The following YIPF4 variants were observed in gnomAD, a reference collection of about 807,000 sequenced individuals.
YIPF4 encodes protein YIPF4.
YIPF4 carries 18 observed loss-of-function variants against 29.4 expected under a neutral mutation model. The ratio of observed to expected loss-of-function variants is 0.61; its 90% confidence interval spans 0.42 to 0.91. YIPF4 has a LOEUF of 0.91. YIPF4 is among the 40% of genes least tolerant of loss of function. The pLI is 0.00. For missense variants in YIPF4, 279 were observed against 282.7 expected, an observed-to-expected ratio of 0.99 and a Z score of 0.09; for synonymous variants, 115 against 104.7, an observed-to-expected ratio of 1.10 and a Z score of -0.60.
At chr2:32,300,185 G>C (rs2031347595) in intron 4 of YIPF4, among the ~76,000 whole-genome samples, 1 of 152,162 alleles carries the variant, frequency 6.6e-6, no homozygotes, top group Admixed American at 6.5e-5. Context: ...AGAATCTCTT[G>C]AACCCGGGAG....
intron 1 of YIPF4, among the ~76,000 whole-genome samples, chr2:32,282,946 G>A (rs111960617): frequency 0.11 from 16,630 of 151,686 alleles, 947 homozygotes; most frequent in Middle Eastern, 0.18. Flanking sequence ...GGGTGGTGGC[G>A]GGTGCCTGTA....
chr2:32,312,990 C>G lies in YIPF4; in HGVS notation c.*7364C>G, dbSNP rs1229883718. 1.3e-5 allele frequency: 2 copies of G among 148,406 alleles called. No homozygotes were observed. The highest frequency in any genetic ancestry group is 4.0e-4 in the East Asian group (2 of 4,998). The allele number at this position is 148,406 out of a possible 1,614,324, so 9.2% of individuals were successfully genotyped here. A position where few individuals can be genotyped will look rare whatever the true frequency, so the allele number is the denominator to read the frequency against. On this transcript the variant is annotated 3_prime_UTR_variant, in exon 6 of 6. Transcript: ENST00000238831. Reference sequence around the variant, plus strand: ...TGGGTGACAGAGCGAGACTCTGTCTCAAAAAAAAAGACCGCCCCCCCCAAT... The same window carrying G: ...TGGGTGACAGAGCGAGACTCTGTCTGAAAAAAAAAGACCGCCCCCCCCAAT...
intron 1 of YIPF4, among the ~76,000 whole-genome samples, chr2:32,280,183 A>G (rs1178831837): frequency 8.6e-5 from 13 of 151,486 alleles, no homozygotes; most frequent in Non-Finnish European, 1.6e-4. Flanking sequence ...GCTGGAGTGC[A>G]GTGGTGCAGT....
chr2:32,284,416 G>A (rs2030564667), intron 1 of YIPF4, among the ~76,000 whole-genome samples: 1 of 152,134 alleles, frequency 6.6e-6, no homozygotes, highest in African/African-American at 2.4e-5. Context: ...GAGAGGCCTG[G>A]TGGGAGGTGA....
In YIPF4 at chr2:32,306,117, A is replaced by G. The variant is rs1420078142; in HGVS notation, c.*491A>G. 1.3e-6 allele frequency: 1 copy of G among 770,936 alleles called. No homozygotes were observed. Among genetic ancestry groups the G allele is most frequent in the East Asian group, 1.3e-4 (1 of 7,748 alleles). The allele number at this position is 770,936 out of a possible 1,614,324, so 47.8% of individuals were successfully genotyped here. A position where few individuals can be genotyped will look rare whatever the true frequency, so the allele number is the denominator to read the frequency against. ...AAATATATTTCTGATAAACATTAAG[A>G]TATTAAATCTGATGCACAAACTTTT... On this transcript the variant is annotated 3_prime_UTR_variant, in exon 6 of 6. Transcript: ENST00000238831.
chr2:32,293,410 A>G (rs1175233337), intron 3 of YIPF4, among the ~76,000 whole-genome samples: 2 of 152,226 alleles, frequency 1.3e-5, no homozygotes, highest in Non-Finnish European at 2.9e-5. Flanking sequence ...TTTGGGGGTA[A>G]GGTCCCAGAT....
At chr2:32,296,332 C>T (rs1159172740) in intron 3 of YIPF4, among the ~76,000 whole-genome samples, 4 of 151,868 alleles carry the variant, frequency 2.6e-5, no homozygotes, top group Admixed American at 6.6e-5. Context: ...ATTAGCTGAG[C>T]GTGGTAGCAG....
chr2:32,286,052 G>T (rs1010249307), intron 1 of YIPF4, among the ~76,000 whole-genome samples: 1 of 152,116 alleles, frequency 6.6e-6, no homozygotes, highest in Non-Finnish European at 1.5e-5. Context: ...TTTCTTAGGG[G>T]AGTTAAACAA....
chr2:32,290,034 C>T (rs1258871904), intron 1 of YIPF4, among the ~76,000 whole-genome samples: 3 of 152,028 alleles, frequency 2.0e-5, no homozygotes, highest in Admixed American at 6.5e-5. Context: ...CTACGAATTT[C>T]CTTTAGTAAA....
At chr2:32,288,112 A>AT (rs1469899888) in intron 1 of YIPF4, among the ~76,000 whole-genome samples, 2 of 150,990 alleles carry the variant, frequency 1.3e-5, no homozygotes, top group African/African-American at 4.9e-5. Flanking sequence ...ACTACTACTA[A>AT]TTTTTTGGAC....
chr2:32,284,761 G>A (rs1489247609), intron 1 of YIPF4, among the ~76,000 whole-genome samples: 1 of 152,160 alleles, frequency 6.6e-6, no homozygotes, highest in African/African-American at 2.4e-5. Context: ...ATTATCTGAA[G>A]TTGGAGGAAA....
chr2:32,294,144 C>T (rs1333725510), intron 3 of YIPF4, among the ~76,000 whole-genome samples: 29 of 149,432 alleles, frequency 1.9e-4, no homozygotes, highest in East Asian at 1.0e-3. Flanking sequence ...CCCTCCCAGA[C>T]GGGTCGGCTG....
rs938042076 is a variant in YIPF4, at chr2:32,306,289, T to C, written c.*663T>C. 3 of 982,184 alleles carry C rather than the reference T, an allele frequency of 3.1e-6. No individual in the cohort carries two copies. The highest frequency in any genetic ancestry group is 3.6e-6 in the Non-Finnish European group (3 of 826,738). 60.8% of individuals were successfully genotyped at this position (982,184 alleles called of 1,614,324 possible). A position where few individuals can be genotyped will look rare whatever the true frequency, so the allele number is the denominator to read the frequency against. Reference sequence around the variant, plus strand: ...AACTGATTTTTAATAGTTGCTGATATATATTTGGTTTGTTTGGGTATACTT... The same window carrying C: ...AACTGATTTTTAATAGTTGCTGATACATATTTGGTTTGTTTGGGTATACTT... On this transcript the variant is annotated 3_prime_UTR_variant, in exon 6 of 6. Transcript: ENST00000238831.
In YIPF4 at chr2:32,314,057, G is replaced by A. The variant is rs556328399; in HGVS notation, c.*8431G>A. On this transcript the variant is annotated 3_prime_UTR_variant, in exon 6 of 6. Coordinates refer to ENST00000238831, the MANE Select transcript of YIPF4 (RefSeq NM_032312.4). The stretch of plus-strand genomic sequence containing the variant: ...TTATACTCTTGACATATATTCAACC[G>A]AAATGCATGTACATGTACCATAAGA... 5.9e-5 allele frequency: 9 copies of A among 152,224 alleles called. No individual in the cohort carries two copies. Among genetic ancestry groups the A allele is most frequent in the East Asian group, 3.9e-4 (2 of 5,176 alleles). The allele number at this position is 152,224 out of a possible 1,614,324, so 9.4% of individuals were successfully genotyped here. A position where few individuals can be genotyped will look rare whatever the true frequency, so the allele number is the denominator to read the frequency against.
At chr2:32,302,178 G>GCAC (rs2031429672) in intron 5 of YIPF4, among the ~76,000 whole-genome samples, 1 of 151,388 alleles carries the variant, frequency 6.6e-6, no homozygotes, top group Non-Finnish European at 1.5e-5. Flanking sequence ...CTACAGGTGC[G>GCAC]CACCACCACA....
At chr2:32,294,611 C>T (rs941232562) in intron 3 of YIPF4, among the ~76,000 whole-genome samples, 5 of 151,832 alleles carry the variant, frequency 3.3e-5, no homozygotes, top group African/African-American at 4.8e-5. Flanking sequence ...GGGCTCCTCA[C>T]ATCCCAGACG....
intron 5 of YIPF4, 32 bp from the exon 6 acceptor site, chr2:32,305,457 G>T (rs926717769): frequency 1.2e-5 from 18 of 1,451,482 alleles, no homozygotes; most frequent in Non-Finnish European, 1.5e-5. Context: ...TTGCTAATAT[G>T]CTGCCTTTTG....
In YIPF4 at chr2:32,306,405, A is replaced by C; in HGVS notation, c.*779A>C. 1 of 984,706 alleles carries C rather than the reference A, an allele frequency of 1.0e-6. No individual in the cohort carries two copies. The highest frequency in any genetic ancestry group is 1.2e-6 in the Non-Finnish European group (1 of 828,912). The allele number at this position is 984,706 out of a possible 1,614,324, so 61.0% of individuals were successfully genotyped here. A position where few individuals can be genotyped will look rare whatever the true frequency, so the allele number is the denominator to read the frequency against. Reference sequence around the variant, plus strand: ...GAGCAAGAGGTATAATGGATATGGCATTCATTAAAATCTTTACTATGTACA... The same window carrying C: ...GAGCAAGAGGTATAATGGATATGGCCTTCATTAAAATCTTTACTATGTACA... On this transcript the variant is annotated 3_prime_UTR_variant, in exon 6 of 6. Coordinates refer to ENST00000238831, the MANE Select transcript of YIPF4 (RefSeq NM_032312.4).
chr2:32,278,865 C>A (rs1283327549), intron 1 of YIPF4, among the ~76,000 whole-genome samples: 1 of 152,112 alleles, frequency 6.6e-6, no homozygotes, highest in Non-Finnish European at 1.5e-5. Flanking sequence ...TTGTATTATT[C>A]TGAGGAAGCG....
Sources: allele counts gnomAD v4.1 joint callset (sites outside exome capture counted in the v4.1 genomes callset), GRCh38; gene constraint gnomAD v4.1.1; transcripts MANE v1.5; gene names NCBI Gene and HGNC (gene_info 2026-07-23, HGNC 2026-07-21).